Variants in AUTS2 observed in about 807,000 individuals in gnomAD.
AUTS2 encodes the protein autism susceptibility gene 2 protein.
Under a neutral mutation model 112.4 loss-of-function variants are expected in AUTS2, and 17 were observed. The observed-to-expected ratio is 0.15, with a 90% CI of 0.10 to 0.23. The LOEUF is 0.23. Ranked by LOEUF, AUTS2 falls within the 10% of genes least tolerant of loss-of-function variation. The pLI is 1.00. For missense variants in AUTS2, 1,510 were observed against 1,701.6 expected (o/e 0.89, Z 1.98); for synonymous variants, 751 against 702.7 (o/e 1.07, Z -1.09).
chr7:69,796,843 A>C (rs1789867192), intron 1 of AUTS2, among the ~76,000 whole-genome samples: 1 of 152,074 alleles, frequency 6.6e-6, no homozygotes, highest in African/African-American at 2.4e-5. Flanking sequence ...AATATATTGG[A>C]ATTTTAAAAA....
chr7:70,055,052 T>C (rs1801930481), intron 2 of AUTS2, among the ~76,000 whole-genome samples: 1 of 152,214 alleles, frequency 6.6e-6, no homozygotes. Flanking sequence ...TCTACTTTAA[T>C]TCACATAGAA....
At chr7:70,770,298 A>G (rs1790252485) in intron 10 of AUTS2, among the ~76,000 whole-genome samples, 1 of 152,234 alleles carries the variant, frequency 6.6e-6, no homozygotes, top group African/African-American at 2.4e-5. Flanking sequence ...ACTTTGCTGC[A>G]TCATTGAAGG....
At chr7:70,347,249 G>T (rs988705201) in intron 4 of AUTS2, among the ~76,000 whole-genome samples, 2 of 152,154 alleles carry the variant, frequency 1.3e-5, no homozygotes, top group South Asian at 2.1e-4. Context: ...ACCTCCTTCT[G>T]CTCAATTCTA....
At chr7:70,602,228 C>A (rs186547522) in intron 5 of AUTS2, among the ~76,000 whole-genome samples, 3 of 152,328 alleles carry the variant, frequency 2.0e-5, no homozygotes, top group Admixed American at 2.0e-4. Context: ...AACAAGACAG[C>A]TACCTTAGAC....
chr7:69,723,873 T>G lies in AUTS2; in HGVS notation c.309+123911T>G, dbSNP rs73438129. Among the ~76,000 whole-genome samples the G allele has an allele frequency of 2.8e-3, 424 of 152,282 alleles. 2 individuals carry two copies. The highest frequency in any genetic ancestry group is 9.9e-3 in the African/African-American group (410 of 41,556). On this transcript the variant is annotated intron_variant, in intron 1 of 18. Coordinates refer to ENST00000342771, the MANE Select transcript of AUTS2 (RefSeq NM_015570.4). ...GTGAAATGGATGAGTAGTCTTAGTC[T>G]GCCTCCTCAGGCTGCAACAGAAAGT...
intron 6 of AUTS2, among the ~76,000 whole-genome samples, chr7:70,735,417 G>C (rs1479097132): frequency 1.3e-5 from 2 of 152,192 alleles, no homozygotes; most frequent in African/African-American, 4.8e-5. Context: ...AGAAGAGCTG[G>C]GAGGGAGGAC....
chr7:69,689,850 G>C (rs1363446616), intron 1 of AUTS2, among the ~76,000 whole-genome samples: 1 of 141,554 alleles, frequency 7.1e-6, no homozygotes, highest in Non-Finnish European at 1.5e-5. Context: ...GCTTAATTTT[G>C]TATTTTTTTT....
chr7:70,015,803 CTTT>C (rs59809437), intron 2 of AUTS2, among the ~76,000 whole-genome samples: 7 of 138,966 alleles, frequency 5.0e-5, no homozygotes, highest in Admixed American at 7.3e-5. Context: ...TAAATATTCA[CTTT>C]TTTTTTTTTT....
chr7:70,408,733 GAGA>G (rs1794648822), intron 4 of AUTS2, among the ~76,000 whole-genome samples: 1 of 152,228 alleles, frequency 6.6e-6, no homozygotes, highest in African/African-American at 2.4e-5. Context: ...AGATCATGGA[GAGA>G]AGTAGTTAGG....
intron 1 of AUTS2, among the ~76,000 whole-genome samples, chr7:69,726,748 C>A (rs1421918030): frequency 6.6e-6 from 1 of 152,060 alleles, no homozygotes; most frequent in Non-Finnish European, 1.5e-5. Context: ...TTCTAATGGG[C>A]ATAATATGGT....
intron 4 of AUTS2, among the ~76,000 whole-genome samples, chr7:70,404,018 A>G (rs1384321382): frequency 2.6e-5 from 4 of 152,230 alleles, no homozygotes; most frequent in Non-Finnish European, 5.9e-5. Context: ...ATTTTTAAGA[A>G]AAAGAGAATT....
chr7:70,019,184 T>C (rs1442274903), intron 2 of AUTS2, among the ~76,000 whole-genome samples: 1 of 152,142 alleles, frequency 6.6e-6, no homozygotes, highest in Non-Finnish European at 1.5e-5. Flanking sequence ...ATACTGCATG[T>C]TCCCACTTTT....
At chr7:69,827,423 G>A (rs367997677) in intron 1 of AUTS2, among the ~76,000 whole-genome samples, 16 of 151,980 alleles carry the variant, frequency 1.1e-4, no homozygotes, top group African/African-American at 3.1e-4. Flanking sequence ...GATTGTAACC[G>A]TGATAGAGGG....
At chr7:70,731,259 C>T (rs1194987519) in intron 6 of AUTS2, among the ~76,000 whole-genome samples, 2 of 151,240 alleles carry the variant, frequency 1.3e-5, no homozygotes, top group Non-Finnish European at 1.5e-5. Context: ...AAAGACTGAT[C>T]ACTCATTTTA....
intron 5 of AUTS2, among the ~76,000 whole-genome samples, chr7:70,449,713 G>A (rs1035340533): frequency 1.3e-5 from 2 of 152,102 alleles, no homozygotes; most frequent in Non-Finnish European, 2.9e-5. Flanking sequence ...TATAATAATT[G>A]CCTAAATATT....
chr7:69,833,098 G>A (rs1447093958), intron 1 of AUTS2, among the ~76,000 whole-genome samples: 1 of 152,162 alleles, frequency 6.6e-6, no homozygotes, highest in Non-Finnish European at 1.5e-5. Flanking sequence ...ATCAACTAGA[G>A]GGCTTTGTTA....
At chr7:70,112,039 C>T (rs113159819) in intron 2 of AUTS2, among the ~76,000 whole-genome samples, 1 of 151,642 alleles carries the variant, frequency 6.6e-6, no homozygotes, top group Non-Finnish European at 1.5e-5. Context: ...TGTCTTATTT[C>T]TTTTTTGTTC....
intron 4 of AUTS2, among the ~76,000 whole-genome samples, chr7:70,245,138 G>A (rs1426888355): frequency 0.049 from 3,234 of 66,548 alleles, 64 homozygotes; most frequent in Admixed American, 0.086. Flanking sequence ...AAAAAAGTGT[G>A]TGTGTGTATA....
intron 1 of AUTS2, among the ~76,000 whole-genome samples, chr7:69,695,033 T>C (rs1797497349): frequency 6.6e-6 from 1 of 152,090 alleles, no homozygotes; most frequent in Non-Finnish European, 1.5e-5. Context: ...ACTGAAAATA[T>C]ATTAACAGGC....
Sources: allele counts gnomAD v4.1 joint callset (sites outside exome capture counted in the v4.1 genomes callset), GRCh38; gene constraint gnomAD v4.1.1; transcripts MANE v1.5; gene names NCBI Gene and HGNC (gene_info 2026-07-23, HGNC 2026-07-21).